The following PRSS12 variants were observed in gnomAD, a reference collection of about 807,000 sequenced individuals.
The protein encoded by PRSS12 is neurotrypsin.
PRSS12 carries 85 observed loss-of-function variants against 104.4 expected under a neutral mutation model. The observed-to-expected ratio is 0.81, with a 90% CI of 0.68 to 0.98. PRSS12 has a LOEUF of 0.98. Ranked by LOEUF, PRSS12 falls within the 50% of genes least tolerant of loss-of-function variation. The pLI is 0.00. For synonymous variants in PRSS12, 454 were observed against 425.2 expected (o/e 1.07, Z -0.83); for missense variants, 1,141 against 1,139.2 (o/e 1.00, Z -0.02).
intron 4 of PRSS12, among the ~76,000 whole-genome samples, chr4:118,330,662 GA>G (rs1178323476): frequency 1.5e-4 from 23 of 152,272 alleles, no homozygotes; most frequent in African/African-American, 4.6e-4. Context: ...TGAATAAGAT[GA>G]AGTATTAGAC....
At chr4:118,289,956 T>C (rs576428772) in intron 11 of PRSS12, among the ~76,000 whole-genome samples, 1 of 152,300 alleles carries the variant, frequency 6.6e-6, no homozygotes, top group South Asian at 2.1e-4. Flanking sequence ...CCAAAGGACA[T>C]ATGGAAGGAA....
intron 1 of PRSS12, among the ~76,000 whole-genome samples, chr4:118,347,899 T>C (rs941763676): frequency 6.6e-6 from 1 of 152,150 alleles, no homozygotes; most frequent in Non-Finnish European, 1.5e-5. Context: ...ATTCTTCCTG[T>C]AGAAATGCAA....
rs181698263 is a variant in PRSS12 at position 118,335,580 on chromosome 4, C to T, written c.713G>A (p.Arg238His). The T allele has an allele frequency of 3.1e-5, 50 of 1,614,002 alleles. No homozygotes were observed. The highest frequency in any genetic ancestry group is 1.1e-4 in the African/African-American group (8 of 75,014). ...TATATTTTCTTCATCTCCTCGGCAA[C>T]GGACATTGCTCCAATAAATGGGAAT... The part of the protein sequence containing the change: ...GLIPIYWSNV[R>H]CRGDEENILL... Residue 238 changes from arginine (R) to histidine (H), a missense_variant, in exon 3 of 13, where the codon CGT (arginine) becomes CAT (histidine). By Grantham distance (29) the Arg-to-His change is conservative (BLOSUM62 0). Transcript: ENST00000296498.
intron 7 of PRSS12, among the ~76,000 whole-genome samples, chr4:118,311,693 A>T (rs1743734205): frequency 6.6e-6 from 1 of 152,234 alleles, no homozygotes. Context: ...AATAGTGATC[A>T]TATATTTTAT....
chr4:118,307,897 G>C (rs1221118059), intron 8 of PRSS12, among the ~76,000 whole-genome samples: 1 of 148,910 alleles, frequency 6.7e-6, no homozygotes, highest in Non-Finnish European at 1.5e-5. Context: ...GCACAGAAAT[G>C]CAAAAAAAAA....
At position 118,313,218 on chromosome 4, in the gene PRSS12, C is replaced by T; in HGVS notation, c.1472G>A (p.Gly491Glu). 1 of 1,613,544 alleles carries T rather than the reference C, an allele frequency of 6.2e-7. No individual in the cohort carries two copies. The highest frequency in any genetic ancestry group is 8.5e-7 in the Non-Finnish European group (1 of 1,179,914). Residue 491 changes from glycine to glutamate, a missense_variant, in exon 7 of 13, where the codon GGA (glycine) becomes GAA (glutamate). Physicochemically the swap from Gly to Glu is moderately conservative, Grantham distance 98 (BLOSUM62 -2). Coordinates refer to ENST00000296498, the MANE Select transcript of PRSS12 (RefSeq NM_003619.4). Reference sequence around the variant, plus strand: ...GTCCTCACCCAGAGAGAGCCTGTGTCCCTCGCCGCCAGGGTAGCAGGCAAT... The same window carrying T: ...GTCCTCACCCAGAGAGAGCCTGTGTTCCTCGCCGCCAGGGTAGCAGGCAAT... ...VSIACYPGGE[G>E]HRLSLGFPVR...
At chr4:118,314,554 T>G (rs1743852582) in intron 6 of PRSS12, among the ~76,000 whole-genome samples, 1 of 152,072 alleles carries the variant, frequency 6.6e-6, no homozygotes. Context: ...TAACAGGAAG[T>G]CATTTTACTT....
At chr4:118,335,116 C>T (rs1301044914) in intron 3 of PRSS12, among the ~76,000 whole-genome samples, 1 of 152,062 alleles carries the variant, frequency 6.6e-6, no homozygotes, top group East Asian at 1.9e-4. Context: ...TCTATATTTA[C>T]TTTCATGATT....
chr4:118,331,076 C>A (rs1723905409), intron 4 of PRSS12, among the ~76,000 whole-genome samples: 1 of 152,004 alleles, frequency 6.6e-6, no homozygotes. Flanking sequence ...TTTAAAAGAT[C>A]CCCCAATATA....
intron 8 of PRSS12, among the ~76,000 whole-genome samples, chr4:118,302,094 C>T (rs1023924559): frequency 2.6e-5 from 4 of 152,016 alleles, no homozygotes; most frequent in African/African-American, 9.7e-5. Context: ...AACTTTTCAA[C>T]ATTATTAAGA....
Position 118,308,416 on chromosome 4 carries a change from A to G in PRSS12, c.1631+20T>C. 1 of 1,613,846 alleles carries G rather than the reference A, an allele frequency of 6.2e-7. No homozygotes were observed. The highest frequency in any genetic ancestry group is 1.1e-5 in the South Asian group (1 of 91,082). ...GATATGCTCATCAGTAACCATCCCAAATAATTAGGTTTTCCTTACTTGTAG... is the reference window on the plus strand; with the variant it reads ...GATATGCTCATCAGTAACCATCCCAGATAATTAGGTTTTCCTTACTTGTAG... On this transcript the variant is annotated intron_variant, in intron 8 of 12. Coordinates refer to ENST00000296498, the MANE Select transcript of PRSS12 (RefSeq NM_003619.4).
At chr4:118,309,328 G>C (rs1386425420) in intron 7 of PRSS12, among the ~76,000 whole-genome samples, 7 of 152,142 alleles carry the variant, frequency 4.6e-5, no homozygotes, top group African/African-American at 4.8e-5. Context: ...GACTTGCATG[G>C]GTTGAATTGT....
In PRSS12 at chr4:118,342,587, A is replaced by T. The variant is rs188940464; in HGVS notation, c.503-4273T>A. Among the ~76,000 whole-genome samples the T allele has an allele frequency of 9.2e-5, 14 of 152,354 alleles. No homozygotes were observed. In the East Asian group the frequency reaches 2.7e-3, roughly 29 times the overall value. ...AGGTTTTAGGTCAATTATATTAAGC[A>T]TTATAAACATGCAGACCAAACTAGT... On this transcript the variant is annotated intron_variant, in intron 1 of 12. Coordinates refer to ENST00000296498, the MANE Select transcript of PRSS12 (RefSeq NM_003619.4).
intron 1 of PRSS12, among the ~76,000 whole-genome samples, chr4:118,342,612 T>C (rs1385677692): frequency 1.1e-4 from 16 of 152,142 alleles, no homozygotes; most frequent in Admixed American, 1.0e-3. Context: ...ACCAAACTAG[T>C]AAAGGAAGAA....
At chr4:118,284,572 G>T (rs1043333027) in intron 11 of PRSS12, among the ~76,000 whole-genome samples, 5 of 152,132 alleles carry the variant, frequency 3.3e-5, no homozygotes, top group African/African-American at 9.7e-5. Flanking sequence ...CTGAAATCTT[G>T]ATTTCACACA....
intron 6 of PRSS12, among the ~76,000 whole-genome samples, chr4:118,313,882 T>C (rs1349723449): frequency 6.6e-6 from 1 of 152,204 alleles, no homozygotes; most frequent in East Asian, 1.9e-4. Flanking sequence ...AAATTTAGAT[T>C]TCAGCCCATC....
In PRSS12 at chr4:118,299,775, A is replaced by AAAATT. The variant is rs1553954729; in HGVS notation, c.1632-838_1632-837insAATTT. 1.4e-3 allele frequency among the ~76,000 whole-genome samples: 87 copies of AAAATT among 61,698 alleles called. 3 individuals carry two copies. Among genetic ancestry groups the AAAATT allele is most frequent in the Non-Finnish European group, 2.6e-3 (68 of 26,314 alleles). 40.5% of individuals were successfully genotyped at this position (61,698 alleles called of 152,430 possible). On this transcript the variant is annotated intron_variant, in intron 8 of 12. Transcript: ENST00000296498. The stretch of plus-strand genomic sequence containing the variant: ...TAAAATAAATAAAATTAAATAAAAT[A>AAAATT]AAATAAAATAAAATAAAATAAATAA...
At chr4:118,332,908 A>G (rs1723965060) in intron 3 of PRSS12, among the ~76,000 whole-genome samples, 1 of 152,214 alleles carries the variant, frequency 6.6e-6, no homozygotes, top group African/African-American at 2.4e-5. Context: ...ATTCGAAGAG[A>G]CACCAGACAG....
At chr4:118,318,706 G>C (rs1299615192) in intron 4 of PRSS12, 150 bp from the exon 5 acceptor site, 4 of 870,272 alleles carry the variant, frequency 4.6e-6, no homozygotes, top group Non-Finnish European at 7.2e-6. Context: ...TTTCTTTTTT[G>C]TATATTTGTT....
Sources: allele counts gnomAD v4.1 joint callset (sites outside exome capture counted in the v4.1 genomes callset), GRCh38; gene constraint gnomAD v4.1.1; transcripts MANE v1.5; gene names NCBI Gene and HGNC (gene_info 2026-07-23, HGNC 2026-07-21).